ZPBP: variants seen among roughly 807,000 people sequenced by gnomAD.
ZPBP encodes zona pellucida binding protein, also known as zona pellucida-binding protein 1.
Under a neutral mutation model 44.8 loss-of-function variants are expected in ZPBP, and 26 were observed. The ratio of observed to expected loss-of-function variants is 0.58; its 90% CI spans 0.43 to 0.81. The LOEUF (loss-of-function observed/expected upper bound fraction) is 0.81. Among genes scored for constraint, ZPBP ranks in the 30% least tolerant of loss-of-function variants. The probability of loss-of-function intolerance (pLI) is 0.00; values close to 1 mark genes in which losing one functional copy is unlikely to be tolerated. For missense variants in ZPBP, 409 were observed against 434.0 expected (o/e 0.94, Z 0.51); for synonymous variants, 174 against 153.2 (o/e 1.14, Z -1.00).
intron 7 of ZPBP, among the ~76,000 whole-genome samples, chr7:49,946,572 T>C (rs1795112487): frequency 6.6e-6 from 1 of 152,176 alleles, no homozygotes; most frequent in Non-Finnish European, 1.5e-5. Context: ...CTCACAAATG[T>C]ACTGGAGCTC....
chr7:49,918,375 C>T (rs1189644219), intron 1 of ZPBP: 1 of 152,164 alleles, frequency 6.6e-6, no homozygotes, highest in Non-Finnish European at 1.5e-5. Context: ...CCCCACTCCC[C>T]ATAAATAAGA....
intron 4 of ZPBP, among the ~76,000 whole-genome samples, chr7:50,053,962 C>T (rs1800810833): frequency 6.6e-6 from 1 of 152,166 alleles, no homozygotes; most frequent in African/African-American, 2.4e-5. Context: ...TGATCCGGCT[C>T]ACTGCAGCTT....
At chr7:49,946,186 G>C (rs371942439) in intron 7 of ZPBP, among the ~76,000 whole-genome samples, 6 of 152,100 alleles carry the variant, frequency 3.9e-5, no homozygotes, top group Middle Eastern at 3.4e-3. Flanking sequence ...AAAAGTTGTT[G>C]TAGTTATTAT....
the ZPBP span, among the ~76,000 whole-genome samples, chr7:49,842,073 G>T: frequency 5.7e-4 from 87 of 152,172 alleles, 1 homozygote; most frequent in African/African-American, 2.1e-3. Flanking sequence ...TCACCATGTT[G>T]CCCAGGCTGG....
intron 6 of ZPBP, among the ~76,000 whole-genome samples, chr7:50,012,158 T>G (rs187646166): frequency 4.4e-4 from 67 of 151,760 alleles, no homozygotes; most frequent in African/African-American, 1.6e-3. Context: ...AAAGATAATA[T>G]TAGAAGCAAT....
In ZPBP at chr7:50,093,161, C is replaced by T. The variant is rs1214789585; in HGVS notation, c.34G>A (p.Gly12Ser). 5 of 1,540,910 alleles carry T rather than the reference C, an allele frequency of 3.2e-6. No homozygotes were observed. The Admixed American group carries it at 9.9e-5, about 31-fold the overall frequency. Residue 12 changes from glycine to serine, a missense_variant, in exon 1 of 8, where the codon GGC (glycine) becomes AGC (serine). Coordinates refer to ENST00000046087, the MANE Select transcript of ZPBP (RefSeq NM_007009.3). Reference protein sequence around the residue: ...EAFALGPARRGRRRTRAAGSL... With the variant: ...EAFALGPARRSRRRTRAAGSL... ...CCGGCGGCCCGGGTCCGCCGCCTGC[C>T]CCGCCGCGCTGGGCCAAGGGCGAAG...
intron 7 of ZPBP, among the ~76,000 whole-genome samples, chr7:49,971,808 G>A (rs1796314578): frequency 6.6e-6 from 1 of 151,826 alleles, no homozygotes; most frequent in African/African-American, 2.4e-5. Flanking sequence ...GAAAACTACA[G>A]ACCAATATCC....
At chr7:49,967,474 C>T (rs755846711) in intron 7 of ZPBP, among the ~76,000 whole-genome samples, 16 of 151,990 alleles carry the variant, frequency 1.1e-4, no homozygotes, top group Non-Finnish European at 2.1e-4. Context: ...GGGACTTTCT[C>T]GGGTGATAAT....
intron 5 of ZPBP, among the ~76,000 whole-genome samples, chr7:50,018,609 A>G (rs1436979251): frequency 6.6e-6 from 1 of 152,008 alleles, no homozygotes; most frequent in Admixed American, 6.6e-5. Context: ...TTTTAATAAC[A>G]TACATATGTA....
At chr7:49,846,258 G>T (rs487993), downstream of ZPBP, among the ~76,000 whole-genome samples, 6,660 of 152,024 alleles carry the variant, frequency 0.044, 478 homozygotes, top group African/African-American at 0.15. Flanking sequence ...CCTGCATGTC[G>T]CCACTTCCTC....
intron 1 of ZPBP, among the ~76,000 whole-genome samples, chr7:49,909,863 G>A (rs1295172433): frequency 6.6e-6 from 1 of 152,154 alleles, no homozygotes; most frequent in Non-Finnish European, 1.5e-5. Flanking sequence ...CAGCACTTTG[G>A]GAGGTCAAGG....
intron 1 of ZPBP, among the ~76,000 whole-genome samples, chr7:49,907,094 G>A (rs1285095070): frequency 6.6e-6 from 1 of 152,058 alleles, no homozygotes; most frequent in Admixed American, 6.5e-5. Context: ...GTGATAAGCT[G>A]GGACATGTTT....
At chr7:50,010,925 A>C (rs1313176219) in intron 6 of ZPBP, among the ~76,000 whole-genome samples, 3 of 151,220 alleles carry the variant, frequency 2.0e-5, no homozygotes, top group African/African-American at 7.3e-5. Context: ...AAAAAAAAAA[A>C]AAACAAATCT....
At chr7:50,016,908 G>A (rs1798844530) in intron 6 of ZPBP, among the ~76,000 whole-genome samples, 1 of 152,062 alleles carries the variant, frequency 6.6e-6, no homozygotes, top group African/African-American at 2.4e-5. Context: ...AGGAAGAGAG[G>A]TAATGCTTAA....
At chr7:49,962,124 A>C (rs1184110632) in intron 7 of ZPBP, among the ~76,000 whole-genome samples, 1 of 151,974 alleles carries the variant, frequency 6.6e-6, no homozygotes, top group Non-Finnish European at 1.5e-5. Flanking sequence ...AAAGGCAAGA[A>C]GAGGAAAGAA....
chr7:49,946,083 G>A (rs1795092217), intron 7 of ZPBP, among the ~76,000 whole-genome samples: 1 of 152,016 alleles, frequency 6.6e-6, no homozygotes, highest in Non-Finnish European at 1.5e-5. Flanking sequence ...AACAAGCAAA[G>A]AGAAAACTAG....
chr7:49,957,891 T>A (rs1416388833), intron 7 of ZPBP, among the ~76,000 whole-genome samples: 1 of 152,176 alleles, frequency 6.6e-6, no homozygotes, highest in Admixed American at 6.5e-5. Context: ...AGCTGTTGTT[T>A]GAGCTATGAC....
chr7:49,871,209 G>A lies in ZPBP; in HGVS notation n.510-20695C>T, dbSNP rs545233863. Among the ~76,000 whole-genome samples, 15 of 152,232 alleles carry A rather than the reference G, an allele frequency of 9.9e-5. No individual in the cohort carries two copies. In the East Asian group the frequency reaches 1.7e-3, roughly 18 times the overall value. On this transcript the variant is annotated intron_variant and non_coding_transcript_variant, in intron 2 of 2. Transcript: ENST00000465922. ...AAACGAATAATAATATCTATTGTTG[G>A]TATCTTAATGAGGCTTCTTACAGCC...
chr7:50,057,178 C>A (rs1476616812), intron 4 of ZPBP, among the ~76,000 whole-genome samples: 5 of 141,778 alleles, frequency 3.5e-5, no homozygotes, highest in Non-Finnish European at 7.7e-5. Flanking sequence ...CAGAGTGAGA[C>A]TCCATCTCAA....
Sources: allele counts gnomAD v4.1 joint callset (sites outside exome capture counted in the v4.1 genomes callset), GRCh38; gene constraint gnomAD v4.1.1; transcripts MANE v1.5; gene names NCBI Gene and HGNC (gene_info 2026-07-23, HGNC 2026-07-21).